Variants in CCNJL observed in about 807,000 individuals in gnomAD.
CCNJL encodes the protein cyclin-J-like protein.
In CCNJL, 33 loss-of-function variants were observed where a neutral mutation model predicts 33.4. The ratio of observed to expected loss-of-function variants is 0.99; its 90% CI spans 0.75 to 1.32. The LOEUF is 1.32. Ranked by LOEUF, CCNJL falls within the 40% of genes most tolerant of loss-of-function variation. The probability of loss-of-function intolerance (pLI) is 0.00; values close to 1 mark genes in which losing one functional copy is unlikely to be tolerated. For missense variants in CCNJL, 512 were observed against 499.7 expected (o/e 1.02, Z -0.23); for synonymous variants, 227 against 220.9 (o/e 1.03, Z -0.24).
chr5:160,263,943 CTTTT>C (rs1156940851), intron 3 of CCNJL, among the ~76,000 whole-genome samples: 1,787 of 136,576 alleles, frequency 0.013, 28 homozygotes, highest in African/African-American at 0.045. Flanking sequence ...CTATCAACCT[CTTTT>C]TTTTTTTTTT....
At chr5:160,300,269 G>C (rs1762881360) in intron 2 of CCNJL, among the ~76,000 whole-genome samples, 1 of 152,090 alleles carries the variant, frequency 6.6e-6, no homozygotes, top group African/African-American at 2.4e-5. Context: ...TGCAATGCGG[G>C]GACTAAGAGG....
At chr5:160,266,835 A>G (rs10064968) in intron 3 of CCNJL, among the ~76,000 whole-genome samples, 124,249 of 152,172 alleles carry the variant, frequency 0.82, 50,908 homozygotes, top group East Asian at 0.92. Context: ...CACAGTCAAC[A>G]CTGTGCTGGA....
intron 1 of CCNJL, among the ~76,000 whole-genome samples, chr5:160,335,844 A>G (rs1265551451): frequency 6.7e-6 from 1 of 149,682 alleles, no homozygotes; most frequent in Non-Finnish European, 1.5e-5. Context: ...TCAGCTTCCC[A>G]AAGTGCTAGA....
chr5:160,328,621 C>A (rs1208094770), intron 1 of CCNJL, among the ~76,000 whole-genome samples: 2 of 150,260 alleles, frequency 1.3e-5, no homozygotes, highest in African/African-American at 4.9e-5. Context: ...GGCTTATTGG[C>A]TTACTCCTGT....
chr5:160,280,346 C>T (rs1267520273), intron 3 of CCNJL, among the ~76,000 whole-genome samples, 179 bp downstream of exon 3: 2 of 152,282 alleles, frequency 1.3e-5, no homozygotes, highest in African/African-American at 4.8e-5. Context: ...TGGTCTGGTA[C>T]ATTAAAGATG....
chr5:160,281,579 A>G (rs1296753107), intron 2 of CCNJL, among the ~76,000 whole-genome samples: 2 of 152,184 alleles, frequency 1.3e-5, no homozygotes, highest in African/African-American at 4.8e-5. Flanking sequence ...TTACAACATA[A>G]TAATGTTCTT....
chr5:160,267,705 T>C (rs966638171), intron 3 of CCNJL, among the ~76,000 whole-genome samples: 2 of 152,220 alleles, frequency 1.3e-5, no homozygotes, highest in African/African-American at 2.4e-5. Flanking sequence ...ACAAATACTC[T>C]TAATTTTGAA....
intron 1 of CCNJL, among the ~76,000 whole-genome samples, chr5:160,325,922 C>T (rs1763528436): frequency 6.6e-6 from 1 of 152,176 alleles, no homozygotes; most frequent in African/African-American, 2.4e-5. Context: ...TTTCCTTTTA[C>T]TGTGGCAGAG....
chr5:160,277,733 CCTGT>C (rs961886255), intron 3 of CCNJL, among the ~76,000 whole-genome samples: 14 of 149,380 alleles, frequency 9.4e-5, no homozygotes, highest in African/African-American at 3.0e-4. Context: ...ATCTCTGCTT[CCTGT>C]CTATCTGTTT....
intron 2 of CCNJL, among the ~76,000 whole-genome samples, chr5:160,284,424 A>G (rs1271659280): frequency 6.6e-6 from 1 of 150,442 alleles, no homozygotes; most frequent in African/African-American, 2.4e-5. Flanking sequence ...AGCTGCTATA[A>G]AAAAACAAGA....
chr5:160,308,054 T>C (rs1341400076), intron 2 of CCNJL, among the ~76,000 whole-genome samples: 1 of 152,188 alleles, frequency 6.6e-6, no homozygotes, highest in Non-Finnish European at 1.5e-5. Flanking sequence ...ATAGGACCAA[T>C]GGTCCAAGTG....
At chr5:160,281,953 G>C (rs907032437) in intron 2 of CCNJL, among the ~76,000 whole-genome samples, 1 of 152,010 alleles carries the variant, frequency 6.6e-6, no homozygotes, top group Admixed American at 6.5e-5. Context: ...ATCAAGCCCA[G>C]CCTAGACACT....
chr5:160,253,822 G>A (rs375125722), intron 5 of CCNJL, 24 bp from the exon 6 acceptor site: 6 of 1,491,342 alleles, frequency 4.0e-6, no homozygotes, highest in Non-Finnish European at 5.3e-6. Flanking sequence ...ACCTGGGTGA[G>A]AACTGGAGGC....
chr5:160,274,415 T>C (rs1317089366), intron 3 of CCNJL, among the ~76,000 whole-genome samples: 1 of 151,820 alleles, frequency 6.6e-6, no homozygotes, highest in East Asian at 1.9e-4. Flanking sequence ...GCCAAGATCA[T>C]GCCACTGCAC....
In CCNJL at chr5:160,280,485, G is replaced by A. The variant is rs774273324; in HGVS notation, c.280+40C>T. ...CAGCCAGGCGCACTGAGCGGGAGGA[G>A]ACCGCACAAGCGCGGAGGAAGACGT... On this transcript the variant is annotated intron_variant, in intron 3 of 5. Transcript: ENST00000257536. The A allele has an allele frequency of 1.5e-5, 23 of 1,494,902 alleles. No homozygotes were observed. The African/African-American group carries it at 2.9e-4, about 19-fold the overall frequency. 92.6% of individuals were successfully genotyped at this position (1,494,902 alleles called of 1,614,324 possible).
intron 4 of CCNJL, 79 bp from the exon 5 acceptor site, chr5:160,255,787 A>T: frequency 1.6e-6 from 2 of 1,265,048 alleles, no homozygotes; most frequent in Non-Finnish European, 2.3e-6. Context: ...ATGGATGGAC[A>T]AATGAATCGC....
Position 160,252,391 on chromosome 5 carries a change from T to C in CCNJL, c.*987A>G, listed in dbSNP as rs1760843906. 6.6e-6 allele frequency: 1 copy of C among 152,410 alleles called. No homozygotes were observed. Among genetic ancestry groups the C allele is most frequent in the Non-Finnish European group, 1.5e-5 (1 of 68,052 alleles). The allele number at this position is 152,410 out of a possible 1,614,324, so 9.4% of individuals were successfully genotyped here. A position where few individuals can be genotyped will look rare whatever the true frequency, so the allele number is the denominator to read the frequency against. ...CAAAGCCTAGACTGGGTTAAACTCA[T>C]GCCCTGTAAGTATGTGGTGGAGAGA... is the stretch of plus-strand genomic sequence containing the variant. On this transcript the variant is annotated 3_prime_UTR_variant, in exon 6 of 6. Coordinates refer to ENST00000257536, the MANE Select transcript of CCNJL (RefSeq NM_001308173.3).
chr5:160,265,358 C>T (rs1000090505), intron 3 of CCNJL, among the ~76,000 whole-genome samples: 2 of 152,122 alleles, frequency 1.3e-5, no homozygotes, highest in Non-Finnish European at 2.9e-5. Flanking sequence ...GCAATGCCGG[C>T]CAGGTGTGGT....
chr5:160,312,139 C>CT (rs1009961914), intron 1 of CCNJL, among the ~76,000 whole-genome samples, 167 bp from the exon 2 acceptor site: 6 of 152,220 alleles, frequency 3.9e-5, no homozygotes, highest in African/African-American at 1.4e-4. Flanking sequence ...GCGGTGCCCC[C>CT]TCCCCTCTGC....
Sources: gnomAD v4.1 joint callset for allele counts (sites outside exome capture counted in the v4.1 genomes callset) on GRCh38, gnomAD v4.1.1 for gene constraint, MANE v1.5 for transcripts, NCBI Gene and HGNC (gene_info 2026-07-23, HGNC 2026-07-21) for gene names.